The following ANKRD6 variants were observed in gnomAD, a reference collection of about 807,000 sequenced individuals.
ANKRD6 encodes ankyrin repeat domain-containing protein 6.
A neutral mutation model predicts 82.3 loss-of-function variants in ANKRD6; 56 were observed. That is an observed-to-expected ratio of 0.68 (90% confidence interval 0.55 to 0.85). ANKRD6 has a LOEUF of 0.85. Ranked by LOEUF, ANKRD6 falls within the 40% of genes least tolerant of loss-of-function variation. The pLI, the probability that ANKRD6 is intolerant of heterozygous loss-of-function variation, is 0.00. For synonymous variants in ANKRD6, 347 were observed against 352.1 expected (o/e 0.99, Z 0.16); for missense variants, 852 against 907.6 (o/e 0.94, Z 0.79).
intron 6 of ANKRD6, among the ~76,000 whole-genome samples, chr6:89,612,749 A>G (rs1196506354): frequency 1.3e-5 from 2 of 152,210 alleles, no homozygotes; most frequent in South Asian, 2.1e-4. Flanking sequence ...TGCCATTTAC[A>G]GGGGAGGTCC....
intron 1 of ANKRD6, among the ~76,000 whole-genome samples, chr6:89,461,466 C>A (rs567005128): frequency 5.9e-5 from 9 of 152,160 alleles, no homozygotes; most frequent in Non-Finnish European, 1.2e-4. Flanking sequence ...CCAAGTGATA[C>A]AACAGTGAGA....
chr6:89,565,008 A>G (rs1295031391), intron 1 of ANKRD6, among the ~76,000 whole-genome samples: 1 of 152,240 alleles, frequency 6.6e-6, no homozygotes, highest in African/African-American at 2.4e-5. Flanking sequence ...CAAAGCACAG[A>G]TTACCTGAAT....
intron 1 of ANKRD6, among the ~76,000 whole-genome samples, chr6:89,503,345 A>G (rs987412570): frequency 6.6e-5 from 10 of 152,220 alleles, no homozygotes; most frequent in African/African-American, 1.9e-4. Flanking sequence ...CAGAGAGGAC[A>G]GAAAGCCATT....
At position 89,474,875 on chromosome 6, in the gene ANKRD6, C is replaced by T. The variant is rs1562584889; in HGVS notation, c.-144+41500C>T. Among the ~76,000 whole-genome samples, 4 of 152,128 alleles carry T rather than the reference C, an allele frequency of 2.6e-5. No individual in the cohort carries two copies. The South Asian group carries it at 8.3e-4, about 32-fold the overall frequency. ...AGCCTGACAAACCTAAAGTTTGCCTCTCATTTTCTAGTGTAGTAGTGGATT... is the reference window on the plus strand; with the variant it reads ...AGCCTGACAAACCTAAAGTTTGCCTTTCATTTTCTAGTGTAGTAGTGGATT... On this transcript the variant is annotated intron_variant, in intron 1 of 15. Coordinates refer to ENST00000339746, the MANE Select transcript of ANKRD6 (RefSeq NM_001242809.2).
intron 6 of ANKRD6, 127 bp downstream of exon 6, chr6:89,612,497 T>G: frequency 7.1e-6 from 7 of 980,270 alleles, no homozygotes; most frequent in African/African-American, 1.6e-5. Flanking sequence ...GGACTATCTC[T>G]AAAGTGTTCT....
At chr6:89,622,121 C>T (rs1376543073) in intron 10 of ANKRD6, 95 bp downstream of exon 10, 9 of 1,089,730 alleles carry the variant, frequency 8.3e-6, no homozygotes, top group Non-Finnish European at 1.2e-5. Flanking sequence ...TGGTGGCTGC[C>T]CGGCCCTCTC....
At chr6:89,582,388 GCCATGCTGC>G (rs993479027) in intron 2 of ANKRD6, among the ~76,000 whole-genome samples, 6 of 151,966 alleles carry the variant, frequency 3.9e-5, no homozygotes, top group Admixed American at 1.3e-4. Context: ...ACGGGGTCTT[GCCATGCTGC>G]CCATGCTGGT....
intron 3 of ANKRD6, among the ~76,000 whole-genome samples, 192 bp downstream of exon 3, chr6:89,596,206 G>C (rs942987447): frequency 1.3e-5 from 2 of 152,182 alleles, no homozygotes; most frequent in African/African-American, 2.4e-5. Flanking sequence ...TCAGTAGCAA[G>C]TTAGAGTTTG....
intron 5 of ANKRD6, among the ~76,000 whole-genome samples, chr6:89,607,013 T>C (rs2128194957): frequency 6.6e-6 from 1 of 152,060 alleles, no homozygotes; most frequent in Middle Eastern, 3.4e-3. Flanking sequence ...CTACTAAAAA[T>C]ACAAAAAATT....
chr6:89,623,319 A>G (rs538955849), intron 10 of ANKRD6, 91 bp from the exon 11 acceptor site: 41 of 1,481,574 alleles, frequency 2.8e-5, no homozygotes, highest in East Asian at 1.9e-4. Flanking sequence ...GTCCCTTACC[A>G]TATGGAATCT....
chr6:89,455,976 C>T (rs1472152531), intron 1 of ANKRD6, among the ~76,000 whole-genome samples: 8 of 152,018 alleles, frequency 5.3e-5, no homozygotes, highest in Non-Finnish European at 7.4e-5. Context: ...CAGGTTCAAG[C>T]GATTCTCCTG....
At position 89,519,224 on chromosome 6, in the gene ANKRD6, T is replaced by A. The variant is rs560190637; in HGVS notation, c.-143-47610T>A. ...ATTTTTAAGCAAGGGAGATACTGGC[T>A]GTAATTTACAGATTGAGAATATCAT... On this transcript the variant is annotated intron_variant, in intron 1 of 15. Coordinates refer to ENST00000339746, the MANE Select transcript of ANKRD6 (RefSeq NM_001242809.2). 2.6e-5 allele frequency among the ~76,000 whole-genome samples: 4 copies of A among 152,346 alleles called. No homozygotes were observed. In the South Asian group the frequency reaches 8.3e-4, roughly 32 times the overall value.
At chr6:89,621,640 G>A (rs1203648569) in intron 9 of ANKRD6, 2 of 387,232 alleles carry the variant, frequency 5.2e-6, no homozygotes, top group Non-Finnish European at 9.7e-6. Context: ...CATGTAGTTG[G>A]CAGTCCCGGC....
chr6:89,569,812 A>G (rs1789381512), intron 2 of ANKRD6, among the ~76,000 whole-genome samples: 1 of 152,264 alleles, frequency 6.6e-6, no homozygotes, highest in Admixed American at 6.5e-5. Flanking sequence ...AAAGATTCCC[A>G]TTGGAATTTT....
chr6:89,600,857 G>A (rs1221169817), intron 3 of ANKRD6, among the ~76,000 whole-genome samples: 1 of 79,140 alleles, frequency 1.3e-5, no homozygotes, highest in African/African-American at 3.0e-5. Context: ...CCAACATGGT[G>A]ACACCTTATG....
intron 2 of ANKRD6, among the ~76,000 whole-genome samples, chr6:89,575,115 C>T (rs1408642574): frequency 6.6e-6 from 1 of 152,144 alleles, no homozygotes; most frequent in African/African-American, 2.4e-5. Context: ...AGCATTTCTG[C>T]CTTCTAGGTA....
chr6:89,616,350 CAGAA>C (rs1801573996), intron 7 of ANKRD6: 3 of 569,918 alleles, frequency 5.3e-6, no homozygotes, highest in Non-Finnish European at 9.4e-6. Context: ...TATCCTCACT[CAGAA>C]AGAAAGGTGA....
rs1405408869 is a variant in ANKRD6 at position 89,631,522 on chromosome 6, AT to A, written c.*522del. ...AATTCGTAATTCTCCAACTGTTGAC[AT>A]TTTAATCACATGAAAAGTTATCAGA... On this transcript the variant is annotated 3_prime_UTR_variant, in exon 16 of 16. Transcript: ENST00000339746. 2 of 152,268 alleles carry A rather than the reference AT, an allele frequency of 1.3e-5. No individual in the cohort carries two copies. Among genetic ancestry groups the A allele is most frequent in the Non-Finnish European group, 1.5e-5 (1 of 68,074 alleles). The allele number at this position is 152,268 out of a possible 1,614,324, so 9.4% of individuals were successfully genotyped here.
At chr6:89,578,520 T>A (rs577363802) in intron 2 of ANKRD6, among the ~76,000 whole-genome samples, 1 of 152,232 alleles carries the variant, frequency 6.6e-6, no homozygotes, top group African/African-American at 2.4e-5. Context: ...GATTTCAAAC[T>A]CCTAGCCTGA....
Sources: allele counts gnomAD v4.1 joint callset (sites outside exome capture counted in the v4.1 genomes callset), GRCh38; gene constraint gnomAD v4.1.1; transcripts MANE v1.5; gene names NCBI Gene and HGNC (gene_info 2026-07-23, HGNC 2026-07-21).